The following CELF4 variants were observed in gnomAD, a reference collection of about 807,000 sequenced individuals.
CELF4 encodes the protein CUG-BP- and ETR-3-like factor 4.
A neutral mutation model predicts 59.9 loss-of-function variants in CELF4; 18 were observed. The ratio of observed to expected loss-of-function variants is 0.30; its 90% CI spans 0.21 to 0.45. The LOEUF (loss-of-function observed/expected upper bound fraction) is 0.45, where lower values mean the gene tolerates loss of function less well. CELF4 is among the 20% of genes least tolerant of loss of function. The pLI is 1.00. For synonymous variants in CELF4, 261 were observed against 267.1 expected, an observed-to-expected ratio of 0.98 and a Z score of 0.22; for missense variants, 456 against 689.0, an observed-to-expected ratio of 0.66 and a Z score of 3.79.
At chr18:37,284,844 G>A (rs2154396831) in intron 3 of CELF4, among the ~76,000 whole-genome samples, 1 of 152,366 alleles carries the variant, frequency 6.6e-6, no homozygotes, top group Non-Finnish European at 1.5e-5. Flanking sequence ...CTGAGGCACA[G>A]AGAAGTTAAA....
chr18:37,444,289 C>A (rs1169784773), intron 2 of CELF4, among the ~76,000 whole-genome samples: 2 of 152,014 alleles, frequency 1.3e-5, no homozygotes, highest in Admixed American at 6.6e-5. Flanking sequence ...CCCCTAGCAT[C>A]CCCGTCCTGG....
intron 2 of CELF4, among the ~76,000 whole-genome samples, chr18:37,358,242 C>T (rs1487714804): frequency 6.6e-6 from 1 of 152,136 alleles, no homozygotes; most frequent in East Asian, 1.9e-4. Flanking sequence ...CAAGTCATTC[C>T]TGTGCTGTTC....
intron 8 of CELF4, among the ~76,000 whole-genome samples, chr18:37,268,405 C>T (rs1031268389): frequency 5.3e-5 from 8 of 152,256 alleles, no homozygotes; most frequent in Non-Finnish European, 1.2e-4. Flanking sequence ...CCGGATTGTG[C>T]TCTTGGTCTT....
chr18:37,413,683 T>C (rs1485070802), intron 2 of CELF4, among the ~76,000 whole-genome samples: 3 of 152,226 alleles, frequency 2.0e-5, no homozygotes, highest in Non-Finnish European at 4.4e-5. Flanking sequence ...TCCTCTTTCA[T>C]TTCTTGGCAG....
At chr18:37,367,946 C>T (rs2098807742) in intron 2 of CELF4, among the ~76,000 whole-genome samples, 1 of 152,032 alleles carries the variant, frequency 6.6e-6, no homozygotes, top group Non-Finnish European at 1.5e-5. Flanking sequence ...AGCCCATCTT[C>T]CAGCAGAGTC....
chr18:37,465,910 A>G (rs1461710616), intron 2 of CELF4, among the ~76,000 whole-genome samples: 3 of 152,188 alleles, frequency 2.0e-5, no homozygotes, highest in Admixed American at 6.5e-5. Flanking sequence ...TGCTGGCAGC[A>G]GAATCATGGG....
chr18:37,250,485 A>G (rs910099948), intron 12 of CELF4, among the ~76,000 whole-genome samples: 4 of 152,110 alleles, frequency 2.6e-5, no homozygotes, highest in African/African-American at 9.7e-5. Flanking sequence ...ACCATGGGGC[A>G]GCTGCCCTAG....
intron 3 of CELF4, among the ~76,000 whole-genome samples, chr18:37,314,126 C>A (rs995268865): frequency 6.6e-6 from 1 of 152,196 alleles, no homozygotes; most frequent in East Asian, 1.9e-4. Context: ...CACAGAGACA[C>A]AAGATGCAGG....
At chr18:37,252,169 CTG>C (rs2065906829) in intron 12 of CELF4, among the ~76,000 whole-genome samples, 1 of 152,172 alleles carries the variant, frequency 6.6e-6, no homozygotes, top group African/African-American at 2.4e-5. Context: ...AAACTCTGGA[CTG>C]TGAAACTCAA....
At chr18:37,470,875 T>TGAGAGAGAGA (rs2099819653) in intron 2 of CELF4, among the ~76,000 whole-genome samples, 2 of 102,034 alleles carry the variant, frequency 2.0e-5, no homozygotes, top group African/African-American at 3.8e-5. Flanking sequence ...TGTGTGTGTG[T>TGAGAGAGAGA]GTGTGTGTGT....
At chr18:37,500,130 G>A (rs1261236573) in intron 1 of CELF4, among the ~76,000 whole-genome samples, 2 of 152,178 alleles carry the variant, frequency 1.3e-5, no homozygotes, top group Non-Finnish European at 2.9e-5. Flanking sequence ...CTCCAAGGCT[G>A]TGCACCAAAT....
At chr18:37,270,510 C>T (rs1052898679) in intron 8 of CELF4, among the ~76,000 whole-genome samples, 2 of 152,218 alleles carry the variant, frequency 1.3e-5, no homozygotes, top group African/African-American at 4.8e-5. Flanking sequence ...TCCTTTCTTC[C>T]CTAAGGGAGC....
At chr18:37,530,118 G>T (rs544603742) in intron 1 of CELF4, among the ~76,000 whole-genome samples, 21 of 152,102 alleles carry the variant, frequency 1.4e-4, no homozygotes, top group African/African-American at 3.9e-4. Flanking sequence ...ACTCTCTTCC[G>T]GCCACAGTCC....
intron 2 of CELF4, among the ~76,000 whole-genome samples, chr18:37,444,650 A>ACACACACACACG (rs1223382369): frequency 1.8e-4 from 25 of 136,608 alleles, no homozygotes; most frequent in African/African-American, 6.2e-4. Flanking sequence ...ACACACACAC[A>ACACACACACACG]CACGCGAACG....
chr18:37,447,522 G>C (rs2099751376), intron 2 of CELF4, among the ~76,000 whole-genome samples: 1 of 152,130 alleles, frequency 6.6e-6, no homozygotes, highest in African/African-American at 2.4e-5. Flanking sequence ...CCTGCAGCTG[G>C]AGGGAGCGAC....
intron 2 of CELF4, among the ~76,000 whole-genome samples, chr18:37,437,849 G>T (rs1337482534): frequency 6.6e-6 from 1 of 152,190 alleles, no homozygotes; most frequent in Non-Finnish European, 1.5e-5. Flanking sequence ...TGACGTTTGT[G>T]TCCCCCTGCC....
Position 37,243,065 on chromosome 18 carries a change from G to A in CELF4, c.*2177C>T, listed in dbSNP as rs1450293454. On this transcript the variant is annotated 3_prime_UTR_variant, in exon 13 of 13. Coordinates refer to ENST00000420428, the MANE Select transcript of CELF4 (RefSeq NM_020180.4). ...TTTTTTTAAACTGTGCTTTATTTAGGGCTAAGCTGGAGAAAGCGTCATCCA... is the reference window on the plus strand; with the variant it reads ...TTTTTTTAAACTGTGCTTTATTTAGAGCTAAGCTGGAGAAAGCGTCATCCA... 1.3e-5 allele frequency: 2 copies of A among 152,092 alleles called. No individual in the cohort carries two copies. The highest frequency in any genetic ancestry group is 2.4e-5 in the African/African-American group (1 of 41,398). The allele number at this position is 152,092 out of a possible 1,614,324, so 9.4% of individuals were successfully genotyped here.
chr18:37,317,214 C>G (rs2096896993), intron 3 of CELF4, among the ~76,000 whole-genome samples: 1 of 152,156 alleles, frequency 6.6e-6, no homozygotes, highest in South Asian at 2.1e-4. Flanking sequence ...TGGTAAAACC[C>G]CATCTCTACT....
At chr18:37,316,207 C>A (rs1166757576) in intron 3 of CELF4, among the ~76,000 whole-genome samples, 1 of 152,158 alleles carries the variant, frequency 6.6e-6, no homozygotes, top group Non-Finnish European at 1.5e-5. Flanking sequence ...GGTATCATCA[C>A]CTCTGAGGGG....
Sources: gnomAD v4.1 joint callset for allele counts (sites outside exome capture counted in the v4.1 genomes callset) on GRCh38, gnomAD v4.1.1 for gene constraint, MANE v1.5 for transcripts, NCBI Gene and HGNC (gene_info 2026-07-23, HGNC 2026-07-21) for gene names.